The following AQP9 variants were observed in gnomAD, a reference collection of about 807,000 sequenced individuals.
The protein encoded by AQP9 is aquaporin-9.
Under a neutral mutation model 23.8 loss-of-function variants are expected in AQP9, and 19 were observed. That is an observed-to-expected ratio of 0.80 (90% confidence interval 0.56 to 1.17). The LOEUF is 1.17. AQP9 is among the 50% of genes most tolerant of loss of function. The pLI is 0.00. For missense variants in AQP9, 413 were observed against 362.0 expected, an observed-to-expected ratio of 1.14 and a Z score of -1.14; for synonymous variants, 153 against 131.5, an observed-to-expected ratio of 1.16 and a Z score of -1.12.
chr15:58,167,531 C>T (rs1237277034), intron 2 of AQP9, among the ~76,000 whole-genome samples: 1 of 152,122 alleles, frequency 6.6e-6, no homozygotes, highest in Admixed American at 6.5e-5. Flanking sequence ...CTTTATCTCC[C>T]TCTCCTTTAC....
chr15:58,184,080 A>C lies in AQP9; in HGVS notation c.833A>C (p.Lys278Thr). The stretch of plus-strand genomic sequence containing the variant: ...CATCCAGAGCCTGACTCAGTCTTTA[A>C]GACAGAACAATCTGAGGACAAACCA... ...IHHPEPDSVF[K>T]TEQSEDKPEK... The change falls in exon 6 of 6, where the codon AAG (lysine) becomes ACG (threonine). Residue 278 changes from lysine to threonine, a missense_variant. Physicochemically the swap from Lys to Thr is moderately conservative, Grantham distance 78 (BLOSUM62 -1). Transcript: ENST00000219919. 6.2e-7 allele frequency: 1 copy of C among 1,614,128 alleles called. No homozygotes were observed.
rs535515896 is a variant in AQP9 at position 58,179,354 on chromosome 15, C to T, written c.713+9C>T. On this transcript the variant is annotated intron_variant, in intron 5 of 5. Transcript: ENST00000219919. ...GGGTTTGAAGTCTTCAGGTAAGTAA[C>T]AGTGGTGGGGAAGAGAGAGACAGAG... 2 of 1,605,324 alleles carry T rather than the reference C, an allele frequency of 1.2e-6. No homozygotes were observed. Among genetic ancestry groups the T allele is most frequent in the Admixed American group, 1.7e-5 (1 of 58,968 alleles).
At chr15:58,160,409 C>T (rs1269433780) in intron 1 of AQP9, among the ~76,000 whole-genome samples, 1 of 151,980 alleles carries the variant, frequency 6.6e-6, no homozygotes, top group African/African-American at 2.4e-5. Context: ...GTTATCAATC[C>T]CTTATCAGAT....
At chr15:58,174,896 G>A (rs2280195) in intron 3 of AQP9, 22 bp from the exon 4 acceptor site, 657,208 of 1,597,790 alleles carry the variant, frequency 0.41, 138,844 homozygotes, top group Non-Finnish European at 0.44. Flanking sequence ...ACACTAATGT[G>A]CCAGAGCTTT....
intron 1 of AQP9, chr15:58,153,276 A>G (rs1416949281): frequency 6.6e-6 from 1 of 152,146 alleles, no homozygotes; most frequent in African/African-American, 2.4e-5. Flanking sequence ...AGTCAGCTCA[A>G]TTTGGCCTTC....
rs1898988719 is a variant in AQP9, at chr15:58,184,951, C to T, written c.*816C>T. Reference sequence around the variant, plus strand: ...AGCTCAAATGTATTTTCCTAATTGCCCACTTGAGAACAGACATTTGACAAG... The same window carrying T: ...AGCTCAAATGTATTTTCCTAATTGCTCACTTGAGAACAGACATTTGACAAG... On this transcript the variant is annotated 3_prime_UTR_variant, in exon 6 of 6. Coordinates refer to ENST00000219919, the MANE Select transcript of AQP9 (RefSeq NM_020980.5). 6.6e-6 allele frequency: 1 copy of T among 152,116 alleles called. No homozygotes were observed. The highest frequency in any genetic ancestry group is 2.4e-5 in the African/African-American group (1 of 41,410). The allele number at this position is 152,116 out of a possible 1,614,324, so 9.4% of individuals were successfully genotyped here.
Position 58,138,470 on chromosome 15 carries a change from G to A in AQP9, c.-96G>A. ...ACCAGACATCTCCAGGAATCTGTGA[G>A]CCATTGTCAAAACGTCCATTTTCAT... On this transcript the variant is annotated 5_prime_UTR_variant, in exon 1 of 6. Transcript: ENST00000219919. The A allele has an allele frequency of 1.1e-6, 1 of 891,154 alleles. No individual in the cohort carries two copies. Among genetic ancestry groups the A allele is most frequent in the Non-Finnish European group, 1.8e-6 (1 of 564,570 alleles). 55.2% of individuals were successfully genotyped at this position (891,154 alleles called of 1,614,324 possible).
At chr15:58,167,065 C>T (rs762749000) in intron 2 of AQP9, among the ~76,000 whole-genome samples, 2 of 152,242 alleles carry the variant, frequency 1.3e-5, no homozygotes, top group Non-Finnish European at 2.9e-5. Flanking sequence ...GCATCTTATT[C>T]TCCACCAGTC....
At chr15:58,168,446 C>A (rs1898554778) in intron 2 of AQP9, among the ~76,000 whole-genome samples, 1 of 152,196 alleles carries the variant, frequency 6.6e-6, no homozygotes, top group African/African-American at 2.4e-5. Context: ...CTAGCAAACA[C>A]TGCCTTTGTA....
At position 58,139,731 on chromosome 15, in the gene AQP9, T is replaced by A. The variant is rs796092212; in HGVS notation, c.111+1055T>A. On this transcript the variant is annotated intron_variant, in intron 1 of 5. Transcript: ENST00000219919. Reference sequence around the variant, plus strand: ...CAAATGTGAACTCAAAAAATTGAACTAGTGGAATGTGAAGAGAGAGTCATA... The same window carrying A: ...CAAATGTGAACTCAAAAAATTGAACAAGTGGAATGTGAAGAGAGAGTCATA... Among the ~76,000 whole-genome samples, 13 of 152,288 alleles carry A rather than the reference T, an allele frequency of 8.5e-5. 1 individual carries two copies. The highest frequency in any genetic ancestry group is 3.1e-4 in the African/African-American group (13 of 41,566).
chr15:58,143,308 T>C (rs577568481), intron 1 of AQP9, among the ~76,000 whole-genome samples: 1 of 152,314 alleles, frequency 6.6e-6, no homozygotes, highest in East Asian at 1.9e-4. Flanking sequence ...GACTCGAGGC[T>C]GTCTTCTGTC....
At chr15:58,167,806 T>A (rs1428264206) in intron 2 of AQP9, among the ~76,000 whole-genome samples, 1 of 152,134 alleles carries the variant, frequency 6.6e-6, no homozygotes, top group Non-Finnish European at 1.5e-5. Flanking sequence ...CACTGCAACC[T>A]ACACCTCCTG....
At chr15:58,166,471 C>T (rs1898505331) in intron 1 of AQP9, among the ~76,000 whole-genome samples, 1 of 152,200 alleles carries the variant, frequency 6.6e-6, no homozygotes, top group Non-Finnish European at 1.5e-5. Flanking sequence ...TGCAGCAAAA[C>T]TCATCTATCT....
chr15:58,171,612 T>C (rs1249925599), intron 2 of AQP9, among the ~76,000 whole-genome samples: 1 of 152,184 alleles, frequency 6.6e-6, no homozygotes, highest in Non-Finnish European at 1.5e-5. Context: ...TATAAGGCTT[T>C]AGGAAATCAT....
intron 1 of AQP9, among the ~76,000 whole-genome samples, chr15:58,143,809 A>G (rs1897992057): frequency 6.6e-6 from 1 of 152,170 alleles, no homozygotes; most frequent in Admixed American, 6.5e-5. Context: ...ATCTTGGTAC[A>G]TGTCTCCTTG....
chr15:58,169,149 T>G (rs1898569434), intron 2 of AQP9, among the ~76,000 whole-genome samples: 2 of 152,308 alleles, frequency 1.3e-5, no homozygotes, highest in Non-Finnish European at 2.9e-5. Flanking sequence ...AAACTGGGGT[T>G]GAATCCCTAT....
chr15:58,143,621 G>A (rs1897989145), intron 1 of AQP9, among the ~76,000 whole-genome samples: 1 of 152,220 alleles, frequency 6.6e-6, no homozygotes, highest in African/African-American at 2.4e-5. Flanking sequence ...ATATATTATA[G>A]TTTTATATGT....
intron 3 of AQP9, 145 bp from the exon 4 acceptor site, chr15:58,174,772 AT>A: frequency 1.5e-6 from 1 of 678,314 alleles, no homozygotes; most frequent in Non-Finnish European, 2.6e-6. Context: ...CTCTAAAACT[AT>A]CATTCCTCGG....
rs1315102756 is a variant in AQP9 at position 58,184,899 on chromosome 15, A to G, written c.*764A>G. 6.6e-6 allele frequency: 1 copy of G among 152,234 alleles called. No individual in the cohort carries two copies. Among genetic ancestry groups the G allele is most frequent in the Non-Finnish European group, 1.5e-5 (1 of 68,038 alleles). The allele number at this position is 152,234 out of a possible 1,614,324, so 9.4% of individuals were successfully genotyped here. ...CTAAAATACCATTGTAACCTCAGTC[A>G]TGAAAAATACATCACTCTGTCTTTT... On this transcript the variant is annotated 3_prime_UTR_variant, in exon 6 of 6. Transcript: ENST00000219919.
Sources: gnomAD v4.1 joint callset for allele counts (sites outside exome capture counted in the v4.1 genomes callset) on GRCh38, gnomAD v4.1.1 for gene constraint, MANE v1.5 for transcripts, NCBI Gene and HGNC (gene_info 2026-07-23, HGNC 2026-07-21) for gene names.